Variants in ST8SIA1 observed in about 807,000 individuals in gnomAD.
The protein encoded by ST8SIA1 is alpha-N-acetylneuraminide alpha-2,8-sialyltransferase.
In ST8SIA1, 16 loss-of-function variants were observed where a neutral mutation model predicts 35.9. The ratio of observed to expected loss-of-function variants is 0.45; its 90% confidence interval spans 0.30 to 0.68. The LOEUF is 0.68. Ranked by LOEUF, ST8SIA1 falls within the 30% of genes least tolerant of loss-of-function variation. ST8SIA1 has a pLI of 0.09. For synonymous variants in ST8SIA1, 170 were observed against 169.6 expected, an observed-to-expected ratio of 1.00 and a Z score of -0.02; for missense variants, 383 against 453.6, an observed-to-expected ratio of 0.84 and a Z score of 1.41.
At chr12:22,325,877 C>A in intron 1 of ST8SIA1, 1 of 701,656 alleles carries the variant, frequency 1.4e-6, no homozygotes, top group Non-Finnish European at 2.6e-6. Context: ...GTGATCCCAC[C>A]ACCAAGATGG....
intron 1 of ST8SIA1, among the ~76,000 whole-genome samples, chr12:22,323,658 T>C (rs1866634067): frequency 6.6e-6 from 1 of 152,182 alleles, no homozygotes; most frequent in South Asian, 2.1e-4. Flanking sequence ...GTATACACCA[T>C]GGAATACTAT....
intron 1 of ST8SIA1, among the ~76,000 whole-genome samples, chr12:22,299,983 A>G (rs1383034138): frequency 1.3e-5 from 2 of 152,178 alleles, no homozygotes; most frequent in African/African-American, 4.8e-5. Flanking sequence ...GCCTTTTGGT[A>G]ACAGGCCTAA....
chr12:22,286,370 G>T, intron 2 of ST8SIA1: 1 of 502,308 alleles, frequency 2.0e-6, no homozygotes, highest in Non-Finnish European at 3.9e-6. Flanking sequence ...GAAAGATTCA[G>T]TCCCACTTTC....
rs1864960931 is a variant in ST8SIA1, at chr12:22,194,543, A to AAAAGTTAAGGCACCCTCTGCC, written c.*6988_*7008dup. 6.6e-6 allele frequency: 1 copy of AAAAGTTAAGGCACCCTCTGCC among 152,314 alleles called. No homozygotes were observed. Among genetic ancestry groups the AAAAGTTAAGGCACCCTCTGCC allele is most frequent in the South Asian group, 2.1e-4 (1 of 4,832 alleles). 9.4% of individuals were successfully genotyped at this position (152,314 alleles called of 1,614,324 possible). ...ATAAGGAAGTAGGGGTCAAGCCAGA[A>AAAAGTTAAGGCACCCTCTGCC]AAAGTTAAGGCACCCTCTGCCACTC... On this transcript the variant is annotated 3_prime_UTR_variant, in exon 5 of 5. Transcript: ENST00000396037.
intron 3 of ST8SIA1, among the ~76,000 whole-genome samples, chr12:22,252,755 C>A (rs1187129291): frequency 6.6e-6 from 1 of 152,178 alleles, no homozygotes; most frequent in Non-Finnish European, 1.5e-5. Flanking sequence ...ATATGGCCCA[C>A]TGGAAACAAT....
chr12:22,261,424 C>T (rs1257370720), intron 2 of ST8SIA1, among the ~76,000 whole-genome samples: 1 of 152,214 alleles, frequency 6.6e-6, no homozygotes, highest in Non-Finnish European at 1.5e-5. Context: ...CCACCATGCC[C>T]AGCCAAGGGT....
chr12:22,256,532 A>T (rs749969208), intron 2 of ST8SIA1, among the ~76,000 whole-genome samples: 1 of 152,206 alleles, frequency 6.6e-6, no homozygotes, highest in African/African-American at 2.4e-5. Flanking sequence ...CAAGCAAATA[A>T]TATGGGTTAT....
intron 1 of ST8SIA1, among the ~76,000 whole-genome samples, chr12:22,301,830 T>C (rs1377174828): frequency 6.6e-6 from 1 of 152,116 alleles, no homozygotes; most frequent in African/African-American, 2.4e-5. Flanking sequence ...TTTTAATACC[T>C]TGGAACCTCA....
intron 2 of ST8SIA1, among the ~76,000 whole-genome samples, chr12:22,270,014 C>T (rs1941206019): frequency 1.3e-5 from 2 of 152,182 alleles, no homozygotes; most frequent in Non-Finnish European, 2.9e-5. Context: ...TCCTTATACA[C>T]TATTATAGGT....
At chr12:22,278,628 T>A (rs1415099291) in intron 2 of ST8SIA1, among the ~76,000 whole-genome samples, 2 of 152,224 alleles carry the variant, frequency 1.3e-5, no homozygotes, top group Non-Finnish European at 1.5e-5. Flanking sequence ...ATGGGGCTGT[T>A]AGCCAGTGCT....
intron 1 of ST8SIA1, among the ~76,000 whole-genome samples, chr12:22,321,349 C>T (rs1308633573): frequency 6.6e-6 from 1 of 152,174 alleles, no homozygotes; most frequent in Admixed American, 6.5e-5. Flanking sequence ...CATTAGAAGG[C>T]TGGGCAGCCA....
At chr12:22,283,285 AT>A (rs1403655858) in intron 2 of ST8SIA1, among the ~76,000 whole-genome samples, 9 of 152,102 alleles carry the variant, frequency 5.9e-5, no homozygotes, top group African/African-American at 1.9e-4. Context: ...AAAAGGAAAT[AT>A]TTTTCAGATT....
At chr12:22,285,043 T>C (rs546073668) in intron 2 of ST8SIA1, among the ~76,000 whole-genome samples, 1 of 152,358 alleles carries the variant, frequency 6.6e-6, no homozygotes, top group East Asian at 1.9e-4. Context: ...GCAGTTTTCA[T>C]ACATAGAATA....
At chr12:22,294,908 G>T (rs902862216) in intron 1 of ST8SIA1, among the ~76,000 whole-genome samples, 1 of 152,164 alleles carries the variant, frequency 6.6e-6, no homozygotes, top group South Asian at 2.1e-4. Context: ...CAGCTAGAAA[G>T]ATTCTAGTAT....
intron 1 of ST8SIA1, chr12:22,325,872 C>T (rs1312119733): frequency 1.4e-6 from 1 of 701,582 alleles, no homozygotes; most frequent in Non-Finnish European, 2.6e-6. Flanking sequence ...GCACGGTGAT[C>T]CCACCACCAA....
rs12315064 is a variant in ST8SIA1, at chr12:22,196,314, G to C, written c.*5238C>G. The C allele has an allele frequency of 0.13, 19,295 of 152,180 alleles. 1,361 individuals carry two copies. The highest frequency in any genetic ancestry group is 0.19 in the Middle Eastern group (56 of 294). 9.4% of individuals were successfully genotyped at this position (152,180 alleles called of 1,614,324 possible). A position where few individuals can be genotyped will look rare whatever the true frequency, so the allele number is the denominator to read the frequency against. ...ACAGAAACATGTATTTTCCCTTACT[G>C]AAATGGTGAGCAGGGGCTGTGTTAT... On this transcript the variant is annotated 3_prime_UTR_variant, in exon 5 of 5. Coordinates refer to ENST00000396037, the MANE Select transcript of ST8SIA1 (RefSeq NM_003034.4).
intron 3 of ST8SIA1, among the ~76,000 whole-genome samples, chr12:22,251,304 T>C (rs1254123771): frequency 6.6e-6 from 1 of 152,214 alleles, no homozygotes; most frequent in Non-Finnish European, 1.5e-5. Flanking sequence ...TACTTTGTTT[T>C]CCTGTGTGTT....
chr12:22,264,412 C>A (rs548059986), intron 2 of ST8SIA1, among the ~76,000 whole-genome samples: 1 of 152,134 alleles, frequency 6.6e-6, no homozygotes, highest in African/African-American at 2.4e-5. Context: ...GAATTCCTAG[C>A]GAGCATGGTG....
chr12:22,194,530 G>A lies in ST8SIA1; in HGVS notation c.*7022C>T, dbSNP rs555944762. ...ATGAAGGAAACACATAAGGAAGTAG[G>A]GGTCAAGCCAGAAAAAGTTAAGGCA... On this transcript the variant is annotated 3_prime_UTR_variant, in exon 5 of 5. Coordinates refer to ENST00000396037, the MANE Select transcript of ST8SIA1 (RefSeq NM_003034.4). 1 of 152,262 alleles carries A rather than the reference G, an allele frequency of 6.6e-6. No individual in the cohort carries two copies. The highest frequency in any genetic ancestry group is 1.5e-5 in the Non-Finnish European group (1 of 68,048). The allele number at this position is 152,262 out of a possible 1,614,324, so 9.4% of individuals were successfully genotyped here. A position where few individuals can be genotyped will look rare whatever the true frequency, so the allele number is the denominator to read the frequency against.
Sources: gnomAD v4.1 joint callset for allele counts (sites outside exome capture counted in the v4.1 genomes callset) on GRCh38, gnomAD v4.1.1 for gene constraint, MANE v1.5 for transcripts, NCBI Gene and HGNC (gene_info 2026-07-23, HGNC 2026-07-21) for gene names.